AMZ1: variants seen among roughly 807,000 people sequenced by gnomAD.
The protein encoded by AMZ1 is archaelysin family metallopeptidase 1.
Under a neutral mutation model 29.9 loss-of-function variants are expected in AMZ1, and 39 were observed. The ratio of observed to expected loss-of-function variants is 1.30; its 90% confidence interval spans 1.01 to 1.70. The LOEUF (loss-of-function observed/expected upper bound fraction) is 1.70. Ranked by LOEUF, AMZ1 falls within the 40% of genes most tolerant of loss-of-function variation. AMZ1 has a pLI of 0.00. For synonymous variants in AMZ1, 458 were observed against 304.0 expected (o/e 1.51, Z -5.27); for missense variants, 1,041 against 680.6 (o/e 1.53, Z -5.89).
At chr7:2,751,977 A>G (rs1333035397) in intron 4 of AMZ1, among the ~76,000 whole-genome samples, 1 of 152,232 alleles carries the variant, frequency 6.6e-6, no homozygotes, top group Non-Finnish European at 1.5e-5. Flanking sequence ...TCAAAGAGGA[A>G]GAAATAATTT....
At position 2,744,434 on chromosome 7, in the gene AMZ1, T is replaced by G. The variant is rs376924161; in HGVS notation, n.551-20278T>G. Among the ~76,000 whole-genome samples the G allele has an allele frequency of 1.4e-4, 22 of 152,058 alleles. No homozygotes were observed. The East Asian group carries it at 4.1e-3, about 28-fold the overall frequency. On this transcript the variant is annotated intron_variant and non_coding_transcript_variant, in intron 4 of 4. Transcript: ENST00000489665. ...GGTCTGGAGTGGACCTCTAGCAAAC[T>G]CCAACAGACCTGCAGCTGAGGGTCC... is the stretch of plus-strand genomic sequence containing the variant.
At position 2,718,967 on chromosome 7, in the gene AMZ1, A is replaced by C. The variant is rs1789291496; in HGVS notation, c.*6089A>C. ...TCCGGCCATTTATTCCAAATGTATG[A>C]GCAGGAAGGAAAGAGGGAGGGAAGC... On this transcript the variant is annotated 3_prime_UTR_variant, in exon 7 of 7. Coordinates refer to ENST00000683327, the MANE Select transcript of AMZ1 (RefSeq NM_001384743.1). Among the ~76,000 whole-genome samples the C allele has an allele frequency of 6.6e-6, 1 of 150,606 alleles. No homozygotes were observed. The highest frequency in any genetic ancestry group is 2.1e-4 in the South Asian group (1 of 4,780).
At chr7:2,747,988 C>T (rs1285180177) in intron 4 of AMZ1, among the ~76,000 whole-genome samples, 5 of 150,778 alleles carry the variant, frequency 3.3e-5, no homozygotes, top group African/African-American at 1.2e-4. Context: ...AACTACAAAC[C>T]ACTGCTCAAG....
At chr7:2,762,792 G>T (rs529989177), upstream of AMZ1, 14 of 1,538,938 alleles carry the variant, frequency 9.1e-6, no homozygotes, top group African/African-American at 1.2e-4. Flanking sequence ...CAAAAGGGAG[G>T]AGGAGCACTC....
At chr7:2,758,039 G>A (rs1453320214) in intron 4 of AMZ1, among the ~76,000 whole-genome samples, 1 of 152,140 alleles carries the variant, frequency 6.6e-6, no homozygotes, top group African/African-American at 2.4e-5. Flanking sequence ...AAAACCTCTT[G>A]CTTGGGGATG....
At chr7:2,764,717 C>G (rs1216444953) in exon 1 of AMZ1, 1 of 152,206 alleles carries the variant, frequency 6.6e-6, no homozygotes, top group African/African-American at 2.4e-5. Context: ...TGTAGGTGAG[C>G]TGGGTGAACC....
In AMZ1 at chr7:2,716,282, C is replaced by A. The variant is rs7802871; in HGVS notation, c.*3404C>A. On this transcript the variant is annotated 3_prime_UTR_variant, in exon 7 of 7. Transcript: ENST00000683327. Reference sequence around the variant, plus strand: ...CGCAGTCCTCTTCCGAAATCTCATTCTTTTCCCTCTCTTCCTCCCCAAAAA... The same window carrying A: ...CGCAGTCCTCTTCCGAAATCTCATTATTTTCCCTCTCTTCCTCCCCAAAAA... 52,776 of 151,972 alleles carry A rather than the reference C, an allele frequency of 0.35. 9,873 individuals are homozygous for A. The highest frequency in any genetic ancestry group is 0.49 in the African/African-American group (20,136 of 41,398). 9.4% of individuals were successfully genotyped at this position (151,972 alleles called of 1,614,324 possible).
Position 2,718,417 on chromosome 7 carries a change from G to A in AMZ1, c.*5539G>A, listed in dbSNP as rs879183669. The stretch of plus-strand genomic sequence containing the variant: ...CATCTCCCGTTCAAGGGCCCTCACC[G>A]CGCTTTGTGAGTCTGTCTCGTGGGC... On this transcript the variant is annotated 3_prime_UTR_variant, in exon 7 of 7. Coordinates refer to ENST00000683327, the MANE Select transcript of AMZ1 (RefSeq NM_001384743.1). 1.3e-5 allele frequency among the ~76,000 whole-genome samples: 2 copies of A among 152,176 alleles called. No homozygotes were observed. Among genetic ancestry groups the A allele is most frequent in the African/African-American group, 2.4e-5 (1 of 41,450 alleles).
upstream of AMZ1, among the ~76,000 whole-genome samples, chr7:2,686,694 T>A (rs553147159): frequency 1.3e-5 from 2 of 152,136 alleles, no homozygotes; most frequent in East Asian, 3.9e-4. Flanking sequence ...ACCGGACACC[T>A]AGTGTTGTGT....
Position 2,713,197 on chromosome 7 carries a change from A to G in AMZ1, c.*319A>G. 4.4e-6 allele frequency: 1 copy of G among 228,850 alleles called. No individual in the cohort carries two copies. The highest frequency in any genetic ancestry group is 8.5e-6 in the Non-Finnish European group (1 of 118,298). The allele number at this position is 228,850 out of a possible 1,614,324, so 14.2% of individuals were successfully genotyped here. A position where few individuals can be genotyped will look rare whatever the true frequency, so the allele number is the denominator to read the frequency against. ...GTCGAGGCTGCAGTGGGATGTGATC[A>G]TACCACTGTACTGCAGTCTGGGCCA... On this transcript the variant is annotated 3_prime_UTR_variant, in exon 7 of 7. Transcript: ENST00000683327.
rs144934165 is a variant in AMZ1, at chr7:2,710,684, C to G, written c.948+868C>G. 4.5e-3 allele frequency among the ~76,000 whole-genome samples: 680 copies of G among 152,348 alleles called. 7 individuals are homozygous for G. The highest frequency in any genetic ancestry group is 0.016 in the African/African-American group (650 of 41,580). On this transcript the variant is annotated intron_variant, in intron 6 of 6. Transcript: ENST00000683327. The stretch of plus-strand genomic sequence containing the variant: ...GCTGGAATCTCTCTGCAGGGATCCT[C>G]TCTGAAGACTCTGGCAGTCAAGGGA...
chr7:2,705,608 G>C (rs1317589262), intron 3 of AMZ1, among the ~76,000 whole-genome samples: 1 of 152,164 alleles, frequency 6.6e-6, no homozygotes, highest in Non-Finnish European at 1.5e-5. Flanking sequence ...ATCTTTTGGC[G>C]GGAGGGTTGT....
chr7:2,742,262 C>T (rs554594651), intron 4 of AMZ1, among the ~76,000 whole-genome samples: 49 of 152,162 alleles, frequency 3.2e-4, no homozygotes, highest in African/African-American at 8.0e-4. Flanking sequence ...GTGATCTGCC[C>T]GCCTCAGCCT....
intron 3 of AMZ1, among the ~76,000 whole-genome samples, chr7:2,707,545 T>A (rs939605325): frequency 6.6e-6 from 1 of 152,122 alleles, no homozygotes; most frequent in Admixed American, 6.6e-5. Context: ...CTGTCCACAC[T>A]CATGCTCCGG....
At position 2,708,630 on chromosome 7, in the gene AMZ1, C is replaced by T. The variant is rs140648840; in HGVS notation, c.515C>T (p.Ala172Val). 1.8e-4 allele frequency: 293 copies of T among 1,613,144 alleles called. 1 individual carries two copies. Among genetic ancestry groups the T allele is most frequent in the South Asian group, 6.4e-4 (58 of 91,082 alleles). Residue 172 changes from alanine to valine, a missense_variant, in exon 4 of 7, where the codon GCG (alanine) becomes GTG (valine). Coordinates refer to ENST00000683327, the MANE Select transcript of AMZ1 (RefSeq NM_001384743.1). The stretch of plus-strand genomic sequence containing the variant: ...TTGAAGAACAACAAGCCAGGGGACG[C>T]GCTGTGTGTGCTGGGCCTCACACTG... ...SFLKNNKPGD[A>V]LCVLGLTLSD... is the part of the protein sequence containing the mutation.
At chr7:2,763,191 AACACACACACACACACACACACACAC>A, upstream of AMZ1, 3 of 221,186 alleles carry the variant, frequency 1.4e-5, no homozygotes, top group Non-Finnish European at 2.3e-5. Flanking sequence ...AAGACACCCC[AACACACACACACACACACACACACAC>A]ACACACACAC....
chr7:2,755,004 G>A (rs1009490674), intron 4 of AMZ1, among the ~76,000 whole-genome samples: 3 of 152,174 alleles, frequency 2.0e-5, no homozygotes, highest in Non-Finnish European at 4.4e-5. Flanking sequence ...CTTCCCTACA[G>A]AGACAGTCCA....
intron 4 of AMZ1, among the ~76,000 whole-genome samples, chr7:2,754,861 A>T (rs145069042): frequency 6.6e-6 from 1 of 152,316 alleles, no homozygotes; most frequent in East Asian, 1.9e-4. Context: ...AGAATTCTTC[A>T]CCAAGTTCTA....
At chr7:2,704,521 T>C (rs1788237535) in intron 3 of AMZ1, among the ~76,000 whole-genome samples, 1 of 151,640 alleles carries the variant, frequency 6.6e-6, no homozygotes, top group South Asian at 2.1e-4. Context: ...GTGTTCCTAA[T>C]TTCAGTTGTC....
Sources: allele counts gnomAD v4.1 joint callset (sites outside exome capture counted in the v4.1 genomes callset), GRCh38; gene constraint gnomAD v4.1.1; transcripts MANE v1.5; gene names NCBI Gene and HGNC (gene_info 2026-07-23, HGNC 2026-07-21).